The following LNX1 variants were observed in gnomAD, a reference collection of about 807,000 sequenced individuals.
LNX1 encodes the protein E3 ubiquitin-protein ligase LNX.
Under a neutral mutation model 68.4 loss-of-function variants are expected in LNX1, and 54 were observed. That is an observed-to-expected ratio of 0.79 (90% CI 0.63 to 0.99). The LOEUF (loss-of-function observed/expected upper bound fraction) is 0.99. Ranked by LOEUF, LNX1 falls within the 50% of genes least tolerant of loss-of-function variation. LNX1 has a pLI of 0.00. For missense variants in LNX1, 906 were observed against 926.4 expected, an observed-to-expected ratio of 0.98 and a Z score of 0.29; for synonymous variants, 336 against 350.0, an observed-to-expected ratio of 0.96 and a Z score of 0.45.
chr4:53,517,676 T>A (rs1191908269), intron 2 of LNX1, among the ~76,000 whole-genome samples: 1 of 152,258 alleles, frequency 6.6e-6, no homozygotes, highest in East Asian at 1.9e-4. Context: ...GGTAAAGACA[T>A]TCTTCCTTGT....
At chr4:53,547,337 T>G (rs570564858) in intron 2 of LNX1, among the ~76,000 whole-genome samples, 74 of 152,248 alleles carry the variant, frequency 4.9e-4, no homozygotes, top group Admixed American at 7.9e-4. Flanking sequence ...AGGCACTATA[T>G]TAAATGCTTT....
rs1246628407 is a variant in LNX1, at chr4:53,569,900, A to G, written c.380+3723T>C. On this transcript the variant is annotated intron_variant, in intron 2 of 10. Transcript: ENST00000263925. ...AAAGAAGACATTTATGCAGCCAAAA[A>G]ACACATGAAAAAATGCTCACCATCA... Among the ~76,000 whole-genome samples, 14 of 150,580 alleles carry G rather than the reference A, an allele frequency of 9.3e-5. No individual in the cohort carries two copies. The East Asian group carries it at 2.2e-3, about 23-fold the overall frequency.
intron 2 of LNX1, among the ~76,000 whole-genome samples, chr4:53,599,063 A>G (rs956287242): frequency 1.3e-5 from 2 of 152,236 alleles, no homozygotes; most frequent in African/African-American, 4.8e-5. Context: ...GCTCCAAGTT[A>G]TTATAAAGTA....
intron 2 of LNX1, among the ~76,000 whole-genome samples, chr4:53,528,281 T>C (rs1577665526): frequency 2.0e-5 from 3 of 152,252 alleles, no homozygotes; most frequent in African/African-American, 4.8e-5. Flanking sequence ...TTCAGTTACC[T>C]GTGGTCAACT....
At chr4:53,630,865 C>T (rs1466433775) in intron 1 of LNX1, among the ~76,000 whole-genome samples, 1 of 152,160 alleles carries the variant, frequency 6.6e-6, no homozygotes, top group African/African-American at 2.4e-5. Context: ...ACTAAGTTAC[C>T]TCAAATATCA....
intron 9 of LNX1, among the ~76,000 whole-genome samples, chr4:53,462,596 T>C (rs2150552788): frequency 6.6e-6 from 1 of 152,284 alleles, no homozygotes; most frequent in South Asian, 2.1e-4. Flanking sequence ...AAGTTGATCA[T>C]TACATTTGTT....
At chr4:53,611,885 A>C (rs1183738079) in intron 2 of LNX1, among the ~76,000 whole-genome samples, 1 of 152,210 alleles carries the variant, frequency 6.6e-6, no homozygotes, top group African/African-American at 2.4e-5. Flanking sequence ...TCTGAGAGTA[A>C]AGATAGCTGT....
intron 2 of LNX1, among the ~76,000 whole-genome samples, chr4:53,608,769 A>G (rs1733332772): frequency 6.6e-6 from 1 of 152,218 alleles, no homozygotes; most frequent in Non-Finnish European, 1.5e-5. Context: ...ACCACAGAAT[A>G]CTATGCAGCC....
chr4:53,645,197 T>A (rs1459008006), intron 1 of LNX1, among the ~76,000 whole-genome samples: 7 of 152,064 alleles, frequency 4.6e-5, no homozygotes, highest in Admixed American at 3.3e-4. Context: ...TTACACAAAT[T>A]AAGAATCCAG....
chr4:53,534,281 G>C lies in LNX1; in HGVS notation c.381-26054C>G, dbSNP rs1031244768. Among the ~76,000 whole-genome samples the C allele has an allele frequency of 5.9e-5, 9 of 152,102 alleles. 1 individual carries two copies. The highest frequency in any genetic ancestry group is 5.9e-4 in the Admixed American group (9 of 15,266). ...GGGTCTCTGTGAATCCTCTTCTCAA[G>C]GGCATATGTTTCTGGGTAGGGGCCC... On this transcript the variant is annotated intron_variant, in intron 2 of 10. Transcript: ENST00000263925.
At chr4:53,583,027 A>G (rs542250862) in intron 1 of LNX1, among the ~76,000 whole-genome samples, 18 of 152,328 alleles carry the variant, frequency 1.2e-4, no homozygotes, top group South Asian at 2.1e-4. Context: ...TGGGGGGAAA[A>G]TAATTGCCAA....
At chr4:53,613,573 C>T (rs1733575119) in intron 2 of LNX1, among the ~76,000 whole-genome samples, 1 of 152,098 alleles carries the variant, frequency 6.6e-6, no homozygotes, top group Admixed American at 6.5e-5. Flanking sequence ...GTTTTCTGTT[C>T]CTGTGTTACC....
chr4:53,627,314 A>G (rs1182660187), intron 1 of LNX1, among the ~76,000 whole-genome samples: 2 of 152,194 alleles, frequency 1.3e-5, no homozygotes, highest in African/African-American at 4.8e-5. Context: ...GGTCCTCAGT[A>G]TGTGTTTATC....
At chr4:53,624,980 A>G (rs2572296) in intron 1 of LNX1, among the ~76,000 whole-genome samples, 50,263 of 152,074 alleles carry the variant, frequency 0.33, 8,659 homozygotes, top group Admixed American at 0.38. Context: ...ATCCTCTTTT[A>G]CAGAGTAAAG....
intron 4 of LNX1, among the ~76,000 whole-genome samples, chr4:53,504,914 G>A (rs1278345726): frequency 1.3e-5 from 2 of 152,130 alleles, no homozygotes; most frequent in African/African-American, 2.4e-5. Flanking sequence ...TAACGCCAAA[G>A]ATAACTGATC....
At chr4:53,562,361 G>A (rs1427914745) in intron 2 of LNX1, among the ~76,000 whole-genome samples, 2 of 152,164 alleles carry the variant, frequency 1.3e-5, no homozygotes, top group African/African-American at 4.8e-5. Flanking sequence ...CCCATGTGAT[G>A]GGAGTCTGTA....
At chr4:53,580,177 A>G (rs1445426842) in intron 1 of LNX1, among the ~76,000 whole-genome samples, 1 of 152,186 alleles carries the variant, frequency 6.6e-6, no homozygotes, top group Non-Finnish European at 1.5e-5. Flanking sequence ...AGTCCACATA[A>G]TGAGCAAAAT....
intron 1 of LNX1, among the ~76,000 whole-genome samples, chr4:53,630,297 A>G (rs1206668899): frequency 6.6e-6 from 1 of 152,174 alleles, no homozygotes; most frequent in Non-Finnish European, 1.5e-5. Flanking sequence ...GCTACTTGCT[A>G]AAATTTTTTT....
intron 2 of LNX1, among the ~76,000 whole-genome samples, chr4:53,517,712 A>T (rs1726890096): frequency 6.6e-6 from 1 of 152,218 alleles, no homozygotes; most frequent in African/African-American, 2.4e-5. Flanking sequence ...TCCCCTTCTA[A>T]GTTAAAACCC....
Sources: allele counts gnomAD v4.1 joint callset (sites outside exome capture counted in the v4.1 genomes callset), GRCh38; gene constraint gnomAD v4.1.1; transcripts MANE v1.5; gene names NCBI Gene and HGNC (gene_info 2026-07-23, HGNC 2026-07-21).